ALPK1: variants seen among roughly 807,000 people sequenced by gnomAD.
The protein encoded by ALPK1 is alpha kinase 1.
In ALPK1, 110 loss-of-function variants were observed where a neutral mutation model predicts 120.6. The observed-to-expected ratio is 0.91, with a 90% CI of 0.78 to 1.07. The LOEUF (loss-of-function observed/expected upper bound fraction) is 1.07, where lower values mean the gene tolerates loss of function less well. Ranked by LOEUF, ALPK1 falls within the 50% of genes least tolerant of loss-of-function variation. The pLI is 0.00. For synonymous variants in ALPK1, 582 were observed against 560.3 expected (o/e 1.04, Z -0.55); for missense variants, 1,498 against 1,483.9 (o/e 1.01, Z -0.16).
At chr4:112,351,209 T>A (rs1270527027) in intron 2 of ALPK1, among the ~76,000 whole-genome samples, 1 of 152,160 alleles carries the variant, frequency 6.6e-6, no homozygotes, top group Non-Finnish European at 1.5e-5. Flanking sequence ...AACCCATTCA[T>A]GACCCGGAAC....
intron 3 of ALPK1, among the ~76,000 whole-genome samples, chr4:112,381,759 C>T (rs1731916984): frequency 1.3e-5 from 2 of 152,164 alleles, no homozygotes; most frequent in Admixed American, 6.5e-5. Context: ...GTTGCTAAAG[C>T]TGCTTGTGTT....
At chr4:112,307,495 C>T (rs1728146129) in intron 1 of ALPK1, among the ~76,000 whole-genome samples, 1 of 152,018 alleles carries the variant, frequency 6.6e-6, no homozygotes, top group African/African-American at 2.4e-5. Context: ...GATCCCTTTA[C>T]CATTATGTAA....
intron 2 of ALPK1, among the ~76,000 whole-genome samples, chr4:112,323,421 G>T (rs535589698): frequency 6.6e-6 from 1 of 152,246 alleles, no homozygotes; most frequent in Middle Eastern, 3.4e-3. Context: ...TAAAATTCCA[G>T]AACTATGTCT....
chr4:112,357,947 C>T, intron 2 of ALPK1: 1 of 801,122 alleles, frequency 1.2e-6, no homozygotes. Context: ...GCAAGGATTG[C>T]CTCCCCCGGG....
chr4:112,436,536 A>G (rs1734797454), intron 12 of ALPK1, among the ~76,000 whole-genome samples: 1 of 152,236 alleles, frequency 6.6e-6, no homozygotes, highest in South Asian at 2.1e-4. Context: ...CCCCTGATCC[A>G]ATATGACTGA....
intron 5 of ALPK1, among the ~76,000 whole-genome samples, chr4:112,417,906 G>A (rs922932500): frequency 6.6e-6 from 1 of 152,134 alleles, no homozygotes; most frequent in African/African-American, 2.4e-5. Context: ...ACCGACTTAG[G>A]TTAAAAATGC....
chr4:112,345,932 C>T (rs757657719), intron 2 of ALPK1, among the ~76,000 whole-genome samples: 2 of 152,184 alleles, frequency 1.3e-5, no homozygotes, highest in Admixed American at 1.3e-4. Flanking sequence ...GGTGCAATCT[C>T]GGCTCACTGC....
intron 4 of ALPK1, among the ~76,000 whole-genome samples, chr4:112,388,350 T>C (rs1732244552): frequency 6.6e-6 from 1 of 152,206 alleles, no homozygotes; most frequent in South Asian, 2.1e-4. Flanking sequence ...GGAGAGACTT[T>C]AGCAAAAGAA....
chr4:112,414,286 C>A, intron 5 of ALPK1: 1 of 495,712 alleles, frequency 2.0e-6, no homozygotes. Context: ...GCCAAACACT[C>A]AATGTAGTGG....
At chr4:112,359,481 T>G in intron 2 of ALPK1, 1 of 272,084 alleles carries the variant, frequency 3.7e-6, no homozygotes, top group South Asian at 4.8e-5. Flanking sequence ...CTTGCCGACA[T>G]GCACAGACCT....
rs764805391 is a variant in ALPK1, at chr4:112,431,868, C to G, written c.2321C>G (p.Ala774Gly). ...EQGEEISERG[A>G]GPTFKASPSW... Reference sequence around the variant, plus strand: ...GGAGAAGAAATTAGTGAAAGAGGCGCAGGCCCTACATTTAAAGCTAGTCCC... The same window carrying G: ...GGAGAAGAAATTAGTGAAAGAGGCGGAGGCCCTACATTTAAAGCTAGTCCC... The change falls in exon 11 of 16, where the codon GCA (alanine) becomes GGA (glycine). Residue 774 changes from alanine (A) to glycine (G), a missense_variant. Transcript: ENST00000650871. 1.2e-6 allele frequency: 2 copies of G among 1,614,014 alleles called. No homozygotes were observed. Among genetic ancestry groups the G allele is most frequent in the South Asian group, 2.2e-5 (2 of 91,086 alleles).
chr4:112,412,005 C>T lies in ALPK1; in HGVS notation c.455C>T (p.Ala152Val). Reference protein sequence around the residue: ...PIAPQVVIRQARISVNSGKLL... With the variant: ...PIAPQVVIRQVRISVNSGKLL... ...GCCCCGCAGGTGGTTATTCGCCAAG[C>T]CCGAATCTCCGTGAACTCAGGTATG... Residue 152 changes from alanine to valine, a missense_variant, in exon 5 of 16, where the codon GCC (alanine) becomes GTC (valine). By Grantham distance (64) the Ala-to-Val change is moderately conservative. Transcript: ENST00000650871. The T allele has an allele frequency of 6.2e-7, 1 of 1,614,110 alleles. No homozygotes were observed.
At chr4:112,373,384 G>A (rs925453488) in intron 2 of ALPK1, among the ~76,000 whole-genome samples, 1 of 152,190 alleles carries the variant, frequency 6.6e-6, no homozygotes, top group Non-Finnish European at 1.5e-5. Flanking sequence ...AGGTAGGCAG[G>A]CTAATAGCCA....
At chr4:112,430,153 C>T (rs533572314) in intron 10 of ALPK1, among the ~76,000 whole-genome samples, 19 of 152,260 alleles carry the variant, frequency 1.2e-4, no homozygotes, top group African/African-American at 4.6e-4. Flanking sequence ...CAAACACAAG[C>T]CTATCGTCTT....
At chr4:112,394,651 A>G (rs1732570863) in intron 4 of ALPK1, among the ~76,000 whole-genome samples, 1 of 152,340 alleles carries the variant, frequency 6.6e-6, no homozygotes, top group African/African-American at 2.4e-5. Flanking sequence ...ATAAATTAAA[A>G]TGGTGGCTTG....
At chr4:112,439,978 C>A in intron 14 of ALPK1, 106 bp downstream of exon 14, 1 of 1,031,468 alleles carries the variant, frequency 9.7e-7, no homozygotes, top group South Asian at 1.8e-5. Context: ...CATGTATAGG[C>A]TATTATTTGG....
rs1179601905 is a variant in ALPK1 at position 112,425,682 on chromosome 4, A to T, written c.553A>T (p.Asn185Tyr). 15 of 1,613,096 alleles carry T rather than the reference A, an allele frequency of 9.3e-6. No homozygotes were observed. Among genetic ancestry groups the T allele is most frequent in the Non-Finnish European group, 1.3e-5 (15 of 1,179,214 alleles). The change falls in exon 7 of 16, where the codon AAT becomes TAT. Residue 185 changes from asparagine to tyrosine, a missense_variant. By Grantham distance (143) the Asn-to-Tyr change is moderately radical. Transcript: ENST00000650871. ...TCTTTTAGGTACCTGGCTGTACAGA[A>T]ATGAAAGTGACAAGGTCCTGGTGCA... ...NGATGTWLYR[N>Y]ESDKVLVQSV...
intron 5 of ALPK1, among the ~76,000 whole-genome samples, chr4:112,418,608 G>A (rs1027115013): frequency 1.3e-5 from 2 of 152,096 alleles, no homozygotes; most frequent in East Asian, 1.9e-4. Context: ...CCCATGCAGC[G>A]TCCTTCCACA....
In ALPK1 at chr4:112,373,476, A is replaced by G. The variant is rs541497744; in HGVS notation, c.-100-4202A>G. ...AACCTTTTAGTTCAACACCCAATCC[A>G]TGCAGAAATACCTTTTTGAAGTATC... On this transcript the variant is annotated intron_variant, in intron 2 of 15. Transcript: ENST00000650871. Among the ~76,000 whole-genome samples, 508 of 152,354 alleles carry G rather than the reference A, an allele frequency of 3.3e-3. 3 individuals carry two copies. Among genetic ancestry groups the G allele is most frequent in the Non-Finnish European group, 5.3e-3 (359 of 68,038 alleles).
Sources: gnomAD v4.1 joint callset for allele counts (sites outside exome capture counted in the v4.1 genomes callset) on GRCh38, gnomAD v4.1.1 for gene constraint, MANE v1.5 for transcripts, NCBI Gene and HGNC (gene_info 2026-07-23, HGNC 2026-07-21) for gene names.